The following DENND1A variants were observed in gnomAD, a reference collection of about 807,000 sequenced individuals.
DENND1A encodes the protein DENN domain-containing protein 1A.
In DENND1A, 51 loss-of-function variants were observed where a neutral mutation model predicts 113.7. The ratio of observed to expected loss-of-function variants is 0.45; its 90% CI spans 0.36 to 0.57. The LOEUF is 0.57. Among genes scored for constraint, DENND1A ranks in the 20% least tolerant of loss-of-function variants. The pLI is 0.00. For synonymous variants in DENND1A, 565 were observed against 570.8 expected (o/e 0.99, Z 0.14); for missense variants, 1,258 against 1,395.9 (o/e 0.90, Z 1.57).
At chr9:123,705,261 C>T (rs1007962126) in intron 5 of DENND1A, among the ~76,000 whole-genome samples, 1 of 152,132 alleles carries the variant, frequency 6.6e-6, no homozygotes, top group Non-Finnish European at 1.5e-5. Flanking sequence ...TGCTAATATA[C>T]TTTCTTTAAA....
intron 13 of DENND1A, among the ~76,000 whole-genome samples, chr9:123,510,237 C>G (rs2053340854): frequency 6.6e-6 from 1 of 152,252 alleles, no homozygotes; most frequent in African/African-American, 2.4e-5. Context: ...TCCTTGTGCT[C>G]CTTGTATTAC....
chr9:123,741,016 A>T (rs2068977583), intron 5 of DENND1A, among the ~76,000 whole-genome samples: 1 of 152,030 alleles, frequency 6.6e-6, no homozygotes. Context: ...GTACTTATGT[A>T]GAATCTACTA....
chr9:123,402,895 C>T (rs1588349542), intron 21 of DENND1A, among the ~76,000 whole-genome samples: 1 of 152,192 alleles, frequency 6.6e-6, no homozygotes, highest in African/African-American at 2.4e-5. Flanking sequence ...ACCCAGGGAG[C>T]TCCGCGTCTC....
At chr9:123,814,421 A>G (rs1837131163) in intron 2 of DENND1A, among the ~76,000 whole-genome samples, 1 of 152,102 alleles carries the variant, frequency 6.6e-6, no homozygotes, top group African/African-American at 2.4e-5. Context: ...TCAGGCTGCA[A>G]ATTTTCAGCA....
intron 5 of DENND1A, among the ~76,000 whole-genome samples, chr9:123,756,803 G>A (rs796909134): frequency 3.9e-5 from 6 of 152,140 alleles, no homozygotes; most frequent in Admixed American, 2.6e-4. Context: ...GACTAGTGCC[G>A]CAGAGAGCTA....
At chr9:123,434,450 A>G (rs1445816496) in intron 19 of DENND1A, among the ~76,000 whole-genome samples, 4 of 152,252 alleles carry the variant, frequency 2.6e-5, no homozygotes, top group South Asian at 2.1e-4. Context: ...ATGAAACCAA[A>G]TAACTTGCTG....
At chr9:123,613,382 T>C (rs2060504407) in intron 10 of DENND1A, among the ~76,000 whole-genome samples, 1 of 152,120 alleles carries the variant, frequency 6.6e-6, no homozygotes, top group South Asian at 2.1e-4. Flanking sequence ...CCAACACATC[T>C]GAATCCTTTT....
intron 1 of DENND1A, among the ~76,000 whole-genome samples, chr9:123,880,759 T>G (rs1848201004): frequency 6.6e-6 from 1 of 152,170 alleles, no homozygotes; most frequent in African/African-American, 2.4e-5. Context: ...GGACCAGAAC[T>G]CATGCCTCCT....
chr9:123,406,921 G>C lies in DENND1A; in HGVS notation c.1543-3431C>G, dbSNP rs1045636853. Among the ~76,000 whole-genome samples the C allele has an allele frequency of 2.0e-5, 3 of 152,266 alleles. No individual in the cohort carries two copies. In the East Asian group the frequency reaches 5.8e-4, roughly 29 times the overall value. ...GGCTGCTCCTTGCTACAATAAAGGC[G>C]GGTTAAGAATGTGAACTTGTGGCTG... On this transcript the variant is annotated intron_variant, in intron 20 of 23. Transcript: ENST00000394215.
At chr9:123,566,280 A>T in intron 12 of DENND1A, among the ~76,000 whole-genome samples, 1 of 152,162 alleles carries the variant, frequency 6.6e-6, no homozygotes, top group East Asian at 1.9e-4. Flanking sequence ...TCTTGAGAAC[A>T]TGGTTGTACC....
intron 1 of DENND1A, among the ~76,000 whole-genome samples, chr9:123,914,458 T>C (rs552768247): frequency 8.2e-4 from 118 of 143,402 alleles, no homozygotes; most frequent in African/African-American, 3.0e-3. Flanking sequence ...GGCAGGAGAA[T>C]GGCATGAACC....
intron 10 of DENND1A, among the ~76,000 whole-genome samples, chr9:123,622,398 T>A (rs1335016545): frequency 6.6e-6 from 1 of 152,358 alleles, no homozygotes. Flanking sequence ...CCATATGGTT[T>A]CTACTGGGAC....
intron 19 of DENND1A, among the ~76,000 whole-genome samples, chr9:123,417,244 G>A (rs2044808909): frequency 1.3e-5 from 2 of 152,218 alleles, no homozygotes; most frequent in South Asian, 4.1e-4. Context: ...GTACCCACAG[G>A]TCTTTCCAGA....
intron 19 of DENND1A, among the ~76,000 whole-genome samples, chr9:123,427,151 C>T (rs1165780901): frequency 6.6e-6 from 1 of 152,218 alleles, no homozygotes; most frequent in Non-Finnish European, 1.5e-5. Context: ...CTTAGAGATG[C>T]CCTATGGCAT....
At chr9:123,628,138 G>C (rs994530672) in intron 10 of DENND1A, among the ~76,000 whole-genome samples, 2 of 151,938 alleles carry the variant, frequency 1.3e-5, no homozygotes, top group East Asian at 3.9e-4. Context: ...CTCTCTGAGG[G>C]AGTAAATTAA....
At chr9:123,922,775 A>C (rs978519966) in intron 1 of DENND1A, among the ~76,000 whole-genome samples, 1 of 152,246 alleles carries the variant, frequency 6.6e-6, no homozygotes, top group African/African-American at 2.4e-5. Flanking sequence ...TGATTTGTAC[A>C]TAACAGTATC....
At chr9:123,928,885 GT>G (rs776096728) in intron 1 of DENND1A, 2 of 985,450 alleles carry the variant, frequency 2.0e-6, no homozygotes, top group Non-Finnish European at 2.4e-6. Context: ...TAGGAAAGTT[GT>G]TTTACAGAAA....
chr9:123,525,136 C>T (rs970847805), intron 13 of DENND1A, among the ~76,000 whole-genome samples: 6 of 152,178 alleles, frequency 3.9e-5, no homozygotes, highest in East Asian at 1.9e-4. Flanking sequence ...TTCGAGGTCA[C>T]ACTGCAAGTG....
chr9:123,407,906 C>T (rs1393127169), intron 20 of DENND1A, among the ~76,000 whole-genome samples: 4 of 152,298 alleles, frequency 2.6e-5, no homozygotes, highest in South Asian at 4.1e-4. Context: ...ACACGCAGGC[C>T]GACGGCAGCC....
Sources: allele counts gnomAD v4.1 joint callset (sites outside exome capture counted in the v4.1 genomes callset), GRCh38; gene constraint gnomAD v4.1.1; transcripts MANE v1.5; gene names NCBI Gene and HGNC (gene_info 2026-07-23, HGNC 2026-07-21).